Variants in ANO10 observed in about 807,000 individuals in gnomAD.
The protein encoded by ANO10 is anoctamin-10.
ANO10 carries 77 observed loss-of-function variants against 74.7 expected under a neutral mutation model. That is an observed-to-expected ratio of 1.03 (90% CI 0.86 to 1.25). ANO10 has a LOEUF of 1.25. Among genes scored for constraint, ANO10 ranks in the 50% most tolerant of loss-of-function variants. The pLI is 0.00. For synonymous variants in ANO10, 279 were observed against 284.9 expected, an observed-to-expected ratio of 0.98 and a Z score of 0.21; for missense variants, 721 against 778.1, an observed-to-expected ratio of 0.93 and a Z score of 0.87.
At chr3:43,382,467 C>T (rs34027772) in intron 12 of ANO10, among the ~76,000 whole-genome samples, 28,678 of 149,252 alleles carry the variant, frequency 0.19, 3,452 homozygotes, top group Non-Finnish European at 0.27. Context: ...TGCAGTGAGC[C>T]GAGATCGCGC....
intron 1 of ANO10, among the ~76,000 whole-genome samples, chr3:43,613,724 A>C (rs1203353388): frequency 6.6e-6 from 1 of 152,180 alleles, no homozygotes; most frequent in Non-Finnish European, 1.5e-5. Context: ...ACAGAGGCTG[A>C]GTTCATCACC....
intron 1 of ANO10, among the ~76,000 whole-genome samples, chr3:43,613,622 G>A (rs182268236): frequency 6.6e-6 from 1 of 152,270 alleles, no homozygotes; most frequent in Admixed American, 6.5e-5. Flanking sequence ...GCGAGAATAT[G>A]GGTATACTTT....
chr3:43,585,621 C>T (rs2081445812), intron 4 of ANO10, among the ~76,000 whole-genome samples: 2 of 152,276 alleles, frequency 1.3e-5, no homozygotes, highest in Admixed American at 1.3e-4. Context: ...GAGAATGTAC[C>T]TGTGCAGAAA....
At chr3:43,378,537 A>G (rs1239125429) in intron 12 of ANO10, among the ~76,000 whole-genome samples, 4 of 152,206 alleles carry the variant, frequency 2.6e-5, no homozygotes, top group Admixed American at 6.5e-5. Context: ...GCAAATATCT[A>G]TATCTTCTAT....
chr3:43,564,236 G>A (rs1339656942), intron 8 of ANO10, among the ~76,000 whole-genome samples: 2 of 151,948 alleles, frequency 1.3e-5, no homozygotes, highest in African/African-American at 4.8e-5. Context: ...ATTTTGCCAC[G>A]TTGCCCAGGT....
intron 11 of ANO10, among the ~76,000 whole-genome samples, chr3:43,442,845 G>A (rs1301819790): frequency 6.6e-6 from 1 of 152,206 alleles, no homozygotes; most frequent in Admixed American, 6.5e-5. Flanking sequence ...AGGAGGATTT[G>A]GTCCTTTGGC....
intron 7 of ANO10, among the ~76,000 whole-genome samples, chr3:43,574,118 T>C (rs1337331587): frequency 6.7e-6 from 1 of 149,462 alleles, no homozygotes; most frequent in Non-Finnish European, 1.5e-5. Flanking sequence ...ACCCGGTGAA[T>C]TTTTTTTGTA....
chr3:43,637,373 CA>C (rs1048043388), intron 1 of ANO10, among the ~76,000 whole-genome samples: 1 of 151,222 alleles, frequency 6.6e-6, no homozygotes, highest in African/African-American at 2.4e-5. Context: ...GAGATTGAGG[CA>C]AGAGGATCAC....
intron 9 of ANO10, 79 bp from the exon 10 acceptor site, chr3:43,555,548 G>T (rs1575416314): frequency 1.4e-6 from 2 of 1,416,822 alleles, no homozygotes; most frequent in East Asian, 2.4e-5. Flanking sequence ...CAAAGCTGTG[G>T]CCTCTAACTA....
At chr3:43,656,374 C>T (rs35358711) in intron 1 of ANO10, among the ~76,000 whole-genome samples, 3,289 of 152,378 alleles carry the variant, frequency 0.022, 51 homozygotes, top group Non-Finnish European at 0.034. Context: ...CCCAGTGGAT[C>T]CCGCACAGGG....
intron 1 of ANO10, among the ~76,000 whole-genome samples, chr3:43,685,789 G>C (rs1477643114): frequency 6.6e-6 from 1 of 152,130 alleles, no homozygotes; most frequent in Non-Finnish European, 1.5e-5. Context: ...CCTCTGAAAA[G>C]GCTTTTTTCA....
chr3:43,429,479 G>A (rs1419884447), intron 12 of ANO10, among the ~76,000 whole-genome samples: 1 of 152,112 alleles, frequency 6.6e-6, no homozygotes, highest in African/African-American at 2.4e-5. Context: ...GTTAAGATAT[G>A]TATGCACCAG....
At chr3:43,529,814 T>A (rs2078376328) in intron 11 of ANO10, among the ~76,000 whole-genome samples, 2 of 152,044 alleles carry the variant, frequency 1.3e-5, no homozygotes, top group African/African-American at 2.4e-5. Flanking sequence ...TATAGAGGTA[T>A]AAAACTAACT....
chr3:43,565,648 C>G lies in ANO10; in HGVS notation c.1293+5G>C. The stretch of plus-strand genomic sequence containing the variant: ...AATTGGTATTTTTCTGTTATTTTTA[C>G]TTACCTGGCGCAAAAGCTTCATATC... On this transcript the variant is annotated splice_donor_5th_base_variant and intron_variant, in intron 8 of 12. Coordinates refer to ENST00000292246, the MANE Select transcript of ANO10 (RefSeq NM_018075.5). 6.4e-7 allele frequency: 1 copy of G among 1,569,254 alleles called. No individual in the cohort carries two copies. Among genetic ancestry groups the G allele is most frequent in the South Asian group, 1.2e-5 (1 of 84,510 alleles).
chr3:43,389,563 CAAAT>C, intron 12 of ANO10, among the ~76,000 whole-genome samples: 1 of 152,092 alleles, frequency 6.6e-6, no homozygotes. Context: ...AAGCTTGCAC[CAAAT>C]AAATAACCAT....
At chr3:43,544,796 T>TAAAA (rs556665373) in intron 11 of ANO10, among the ~76,000 whole-genome samples, 355 of 110,754 alleles carry the variant, frequency 3.2e-3, no homozygotes, top group East Asian at 3.9e-3. Context: ...CTGTCTGAAA[T>TAAAA]AAAAAAAAAA....
At chr3:43,626,022 C>T (rs965526143), upstream of ANO10, among the ~76,000 whole-genome samples, 3 of 152,000 alleles carry the variant, frequency 2.0e-5, no homozygotes, top group African/African-American at 7.3e-5. Flanking sequence ...CAACTTCCGC[C>T]TCACGGGTTC....
rs971174640 is a variant in ANO10, at chr3:43,411,428, C to T, written c.1914+21183G>A. Reference sequence around the variant, plus strand: ...GCTAATTACTCTTTGAGAGACATAACGTAAATGGGTACTCAATAGAAGCAG... The same window carrying T: ...GCTAATTACTCTTTGAGAGACATAATGTAAATGGGTACTCAATAGAAGCAG... On this transcript the variant is annotated intron_variant, in intron 12 of 12. Transcript: ENST00000292246. 3.3e-5 allele frequency among the ~76,000 whole-genome samples: 5 copies of T among 152,154 alleles called. No homozygotes were observed. In the South Asian group the frequency reaches 6.2e-4, roughly 19 times the overall value.
chr3:43,588,872 A>C (rs1434532053), intron 4 of ANO10, among the ~76,000 whole-genome samples: 1 of 152,224 alleles, frequency 6.6e-6, no homozygotes, highest in Non-Finnish European at 1.5e-5. Context: ...AAGGTAAAAG[A>C]AAATACGAAG....
Sources: gnomAD v4.1 joint callset for allele counts (sites outside exome capture counted in the v4.1 genomes callset) on GRCh38, gnomAD v4.1.1 for gene constraint, MANE v1.5 for transcripts, NCBI Gene and HGNC (gene_info 2026-07-23, HGNC 2026-07-21) for gene names.